SPATA13: variants seen among roughly 807,000 people sequenced by gnomAD.
SPATA13 encodes the protein spermatogenesis associated 13.
Under a neutral mutation model 104.0 loss-of-function variants are expected in SPATA13, and 50 were observed. The observed-to-expected ratio is 0.48, with a 90% confidence interval of 0.38 to 0.61. SPATA13 has a LOEUF of 0.61. Ranked by LOEUF, SPATA13 falls within the 20% of genes least tolerant of loss-of-function variation. The pLI is 0.00. For missense variants in SPATA13, 1,524 were observed against 1,690.6 expected, an observed-to-expected ratio of 0.90 and a Z score of 1.73; for synonymous variants, 606 against 667.5, an observed-to-expected ratio of 0.91 and a Z score of 1.42.
rs74764856 is a variant in SPATA13, at chr13:24,021,521, A to C, written c.-112+3820A>C. 2.2e-3 allele frequency among the ~76,000 whole-genome samples: 337 copies of C among 152,298 alleles called. 1 individual carries two copies. Among genetic ancestry groups the C allele is most frequent in the African/African-American group, 7.7e-3 (321 of 41,562 alleles). On this transcript the variant is annotated intron_variant, in intron 3 of 14. Coordinates refer to the SPATA13 transcript ENST00000424834. ...ACAAAAAATATAAAAATTAAAAACC[A>C]GTATCAGGCTGAAAAGCTAGGTTGG...
chr13:24,092,766 A>G (rs1483070600), intron 3 of SPATA13, among the ~76,000 whole-genome samples: 1 of 152,212 alleles, frequency 6.6e-6, no homozygotes, highest in Non-Finnish European at 1.5e-5. Flanking sequence ...GTAGCTTATA[A>G]AAAAAGTAGA....
chr13:24,059,724 G>A lies in SPATA13; in HGVS notation c.-112+42023G>A, dbSNP rs139303088. Reference sequence around the variant, plus strand: ...TGTATGCTGGAACTTTGCTGAAGTTGTTTACCAGGTGAAGAGCTTTGGGCC... The same window carrying A: ...TGTATGCTGGAACTTTGCTGAAGTTATTTACCAGGTGAAGAGCTTTGGGCC... On this transcript the variant is annotated intron_variant, in intron 3 of 14. Transcript: ENST00000424834. 7.2e-5 allele frequency among the ~76,000 whole-genome samples: 11 copies of A among 152,306 alleles called. No individual in the cohort carries two copies. The East Asian group carries it at 2.1e-3, about 29-fold the overall frequency.
chr13:24,010,734 T>A (rs368972967), intron 2 of SPATA13, among the ~76,000 whole-genome samples: 1 of 152,132 alleles, frequency 6.6e-6, no homozygotes, highest in South Asian at 2.1e-4. Context: ...CTCCTGCTCC[T>A]CCATGGGGCA....
rs114525243 is a variant in SPATA13 at position 24,153,077 on chromosome 13, C to T, written c.-111-69742C>T. ...CGTCTGTGCTCATGTCTACTTAGGACCTCTGAGTTGGGACTTGGGCATCCT... is the reference window on the plus strand; with the variant it reads ...CGTCTGTGCTCATGTCTACTTAGGATCTCTGAGTTGGGACTTGGGCATCCT... On this transcript the variant is annotated intron_variant, in intron 3 of 14. Coordinates refer to the SPATA13 transcript ENST00000424834. 7.4e-3 allele frequency among the ~76,000 whole-genome samples: 1,120 copies of T among 152,310 alleles called. 12 individuals carry two copies. Among genetic ancestry groups the T allele is most frequent in the African/African-American group, 0.025 (1,032 of 41,552 alleles).
intron 2 of SPATA13, among the ~76,000 whole-genome samples, chr13:24,225,038 C>T (rs376422802): frequency 5.9e-5 from 9 of 152,248 alleles, no homozygotes; most frequent in East Asian, 5.8e-4. Context: ...TGTCACAGCA[C>T]CTGTGGGTGT....
At chr13:24,004,336 C>A (rs1347112236) in intron 2 of SPATA13, among the ~76,000 whole-genome samples, 2 of 152,184 alleles carry the variant, frequency 1.3e-5, no homozygotes, top group African/African-American at 4.8e-5. Context: ...GAACAGATAC[C>A]ATTTACGGCA....
intron 3 of SPATA13, among the ~76,000 whole-genome samples, chr13:24,083,460 A>G (rs1879612189): frequency 6.6e-6 from 1 of 152,200 alleles, no homozygotes; most frequent in African/African-American, 2.4e-5. Context: ...AGATCAGACC[A>G]CATTAACCAG....
At chr13:24,003,043 A>G (rs1283084426) in intron 2 of SPATA13, among the ~76,000 whole-genome samples, 1 of 152,178 alleles carries the variant, frequency 6.6e-6, no homozygotes, top group Non-Finnish European at 1.5e-5. Flanking sequence ...GTATGGGCAG[A>G]CAGTTCCCTG....
At chr13:24,115,873 C>A (rs1257514196) in intron 3 of SPATA13, among the ~76,000 whole-genome samples, 1 of 152,200 alleles carries the variant, frequency 6.6e-6, no homozygotes, top group Non-Finnish European at 1.5e-5. Context: ...GCAGCCTCAG[C>A]TCCTCACCTC....
At chr13:24,203,666 G>T (rs181367114) in intron 1 of SPATA13, among the ~76,000 whole-genome samples, 66 of 152,268 alleles carry the variant, frequency 4.3e-4, no homozygotes, top group Non-Finnish European at 7.4e-4. Flanking sequence ...AATTTCACGG[G>T]TTCTTCAATT....
intron 4 of SPATA13, among the ~76,000 whole-genome samples, chr13:24,263,811 A>G (rs117289266): frequency 1.5e-3 from 236 of 152,372 alleles, no homozygotes; most frequent in Non-Finnish European, 2.6e-3. Context: ...AGATGAATCA[A>G]TTCACTTATC....
At chr13:24,230,282 C>T (rs1280149085) in intron 2 of SPATA13, among the ~76,000 whole-genome samples, 1 of 152,220 alleles carries the variant, frequency 6.6e-6, no homozygotes, top group African/African-American at 2.4e-5. Flanking sequence ...TCTGTACTCT[C>T]ATGGGTTCAG....
chr13:24,017,428 G>A (rs530128032), intron 2 of SPATA13, among the ~76,000 whole-genome samples: 1 of 152,126 alleles, frequency 6.6e-6, no homozygotes, highest in African/African-American at 2.4e-5. Flanking sequence ...AATCTCTTGG[G>A]CAGAGCTTTT....
intron 3 of SPATA13, among the ~76,000 whole-genome samples, chr13:24,111,290 C>A (rs1193879232): frequency 1.3e-5 from 2 of 152,126 alleles, no homozygotes; most frequent in Admixed American, 6.5e-5. Context: ...TCCATCCTCT[C>A]CATCTCCGTT....
At chr13:24,153,709 T>C (rs1422934712) in intron 3 of SPATA13, among the ~76,000 whole-genome samples, 2 of 112,942 alleles carry the variant, frequency 1.8e-5, no homozygotes, top group African/African-American at 6.7e-5. Context: ...ACATACTTTA[T>C]GTGGATCTAC....
intron 3 of SPATA13, among the ~76,000 whole-genome samples, chr13:24,143,468 G>A (rs1881828452): frequency 6.6e-6 from 1 of 152,286 alleles, no homozygotes; most frequent in African/African-American, 2.4e-5. Context: ...TCATTCCTAT[G>A]TTCTTTTATA....
chr13:24,111,703 G>T (rs1880645782), intron 3 of SPATA13, among the ~76,000 whole-genome samples: 1 of 152,190 alleles, frequency 6.6e-6, no homozygotes, highest in Non-Finnish European at 1.5e-5. Context: ...GCCATGCCCG[G>T]CCTGCGTCCA....
At chr13:24,280,790 T>C (rs1875445352) in intron 4 of SPATA13, among the ~76,000 whole-genome samples, 1 of 152,074 alleles carries the variant, frequency 6.6e-6, no homozygotes, top group Non-Finnish European at 1.5e-5. Flanking sequence ...AAAAATGATG[T>C]GCTTCCTCAA....
At chr13:24,171,840 T>C (rs1593378825) in intron 1 of SPATA13, among the ~76,000 whole-genome samples, 1 of 152,236 alleles carries the variant, frequency 6.6e-6, no homozygotes, top group Non-Finnish European at 1.5e-5. Context: ...GCAGAACTGG[T>C]TGGCCTAAGA....
Sources: allele counts gnomAD v4.1 joint callset (sites outside exome capture counted in the v4.1 genomes callset), GRCh38; gene constraint gnomAD v4.1.1; transcripts MANE v1.5; gene names NCBI Gene and HGNC (gene_info 2026-07-23, HGNC 2026-07-21).